The following PPP2R2B variants were observed in gnomAD, a reference collection of about 807,000 sequenced individuals.
PPP2R2B encodes the protein protein phosphatase 2 regulatory subunit Bbeta, also known as serine/threonine-protein phosphatase 2A 55 kDa regulatory subunit B beta isoform.
A neutral mutation model predicts 46.0 loss-of-function variants in PPP2R2B; 5 were observed. That is an observed-to-expected ratio of 0.11 (90% confidence interval 0.06 to 0.23). The LOEUF (loss-of-function observed/expected upper bound fraction) is 0.23, where lower values mean the gene tolerates loss of function less well. PPP2R2B is among the 10% of genes least tolerant of loss of function. The pLI, the probability that PPP2R2B is intolerant of heterozygous loss-of-function variation, is 1.00. For synonymous variants in PPP2R2B, 215 were observed against 206.7 expected (o/e 1.04, Z -0.34); for missense variants, 367 against 575.0 (o/e 0.64, Z 3.70).
chr5:146,604,605 C>T (rs1304027479), intron 7 of PPP2R2B, among the ~76,000 whole-genome samples: 2 of 152,144 alleles, frequency 1.3e-5, no homozygotes, highest in Non-Finnish European at 2.9e-5. Context: ...GTCTTGGAGA[C>T]CCCAATAGTA....
At chr5:146,954,496 G>A (rs557380841) in intron 1 of PPP2R2B, among the ~76,000 whole-genome samples, 1 of 152,206 alleles carries the variant, frequency 6.6e-6, no homozygotes, top group East Asian at 1.9e-4. Flanking sequence ...AGTGGACTTT[G>A]GGAACTCAGT....
At chr5:146,620,534 T>A (rs903354636) in intron 7 of PPP2R2B, among the ~76,000 whole-genome samples, 1 of 152,198 alleles carries the variant, frequency 6.6e-6, no homozygotes, top group Admixed American at 6.5e-5. Flanking sequence ...GCTGGCTTTA[T>A]GAGCGCTCAT....
At chr5:146,964,998 T>G (rs56672131) in intron 1 of PPP2R2B, among the ~76,000 whole-genome samples, 28,406 of 152,098 alleles carry the variant, frequency 0.19, 3,226 homozygotes, top group East Asian at 0.35. Context: ...TTCCTTCCAA[T>G]TCTAGCATAC....
intron 1 of PPP2R2B, among the ~76,000 whole-genome samples, chr5:146,976,846 A>G (rs1752930420): frequency 6.6e-6 from 1 of 152,104 alleles, no homozygotes; most frequent in Non-Finnish European, 1.5e-5. Flanking sequence ...GAATTTTTAG[A>G]CTACTCCTCA....
At chr5:146,665,707 C>T (rs934014234) in intron 5 of PPP2R2B, among the ~76,000 whole-genome samples, 2 of 152,210 alleles carry the variant, frequency 1.3e-5, no homozygotes, top group East Asian at 1.9e-4. Context: ...TGTTGGCTTT[C>T]GACATGTCTT....
intron 1 of PPP2R2B, among the ~76,000 whole-genome samples, chr5:147,029,019 T>C (rs1472999530): frequency 2.6e-5 from 4 of 152,198 alleles, no homozygotes; most frequent in Non-Finnish European, 5.9e-5. Flanking sequence ...GTCTTTCTTA[T>C]TTGTAGTTCC....
chr5:147,037,715 T>C (rs191192912), intron 1 of PPP2R2B, among the ~76,000 whole-genome samples: 1 of 152,236 alleles, frequency 6.6e-6, no homozygotes, highest in Non-Finnish European at 1.5e-5. Context: ...TGAGTCAGAC[T>C]GGGAGCAGCA....
chr5:146,768,512 T>C (rs1476778411), intron 2 of PPP2R2B, among the ~76,000 whole-genome samples: 1 of 152,204 alleles, frequency 6.6e-6, no homozygotes. Flanking sequence ...TCCACTGTCA[T>C]GGCCTCCAAA....
At chr5:146,608,294 C>G (rs1306206063) in intron 7 of PPP2R2B, among the ~76,000 whole-genome samples, 2 of 152,176 alleles carry the variant, frequency 1.3e-5, no homozygotes, top group African/African-American at 4.8e-5. Flanking sequence ...CTGCAAATTT[C>G]TTTCCTAAAC....
intron 2 of PPP2R2B, among the ~76,000 whole-genome samples, chr5:146,706,169 C>T (rs548204676): frequency 3.3e-5 from 5 of 152,202 alleles, no homozygotes; most frequent in Admixed American, 6.5e-5. Context: ...TTGGGGCAGC[C>T]GTAGGAGGGG....
At chr5:146,860,792 T>A (rs898321637) in intron 2 of PPP2R2B, among the ~76,000 whole-genome samples, 1 of 152,162 alleles carries the variant, frequency 6.6e-6, no homozygotes, top group Non-Finnish European at 1.5e-5. Flanking sequence ...ATCATTGCAA[T>A]TGATTTTCAC....
At position 146,698,130 on chromosome 5, in the gene PPP2R2B, A is replaced by T; in HGVS notation, c.183T>A (p.Val61=). 1 of 1,595,552 alleles carries T rather than the reference A, an allele frequency of 6.3e-7. No homozygotes were observed. Among genetic ancestry groups the T allele is most frequent in the East Asian group, 2.3e-5 (1 of 43,982 alleles). The change falls in exon 4 of 10, where the codon GTT becomes GTA. Residue 61 remains valine (V), a synonymous_variant. Coordinates refer to ENST00000394411, the MANE Select transcript of PPP2R2B (RefSeq NM_181675.4). ...FQREQESKNQ[V]HRRGEYNVYS... is the part of the protein sequence containing the mutation. ...AAACATTGTATTCACCCCTACGATGAACCTGATTTTTACTCTGTAGGAAAG... is the reference window on the plus strand; with the variant it reads ...AAACATTGTATTCACCCCTACGATGTACCTGATTTTTACTCTGTAGGAAAG...
At chr5:146,697,946 T>C in intron 4 of PPP2R2B, 33 bp downstream of exon 4, 2 of 1,586,790 alleles carry the variant, frequency 1.3e-6, no homozygotes, top group East Asian at 2.3e-5. Context: ...GCCGACTGTA[T>C]CTCTGAAAAT....
intron 2 of PPP2R2B, among the ~76,000 whole-genome samples, chr5:146,833,181 T>C (rs1190231219): frequency 1.3e-5 from 2 of 152,144 alleles, no homozygotes; most frequent in East Asian, 1.9e-4. Context: ...CAAAATGCCT[T>C]TAATGCCAAT....
At chr5:147,054,374 C>T (rs1756972604) in intron 1 of PPP2R2B, among the ~76,000 whole-genome samples, 1 of 152,076 alleles carries the variant, frequency 6.6e-6, no homozygotes, top group African/African-American at 2.4e-5. Context: ...CTCTCATCCC[C>T]TCAATATGGA....
At chr5:146,871,680 G>T (rs319219) in intron 2 of PPP2R2B, among the ~76,000 whole-genome samples, 4,099 of 152,282 alleles carry the variant, frequency 0.027, 210 homozygotes, top group African/African-American at 0.094. Context: ...GCGCCAATGG[G>T]ATATATGTGG....
At position 146,691,159 on chromosome 5, in the gene PPP2R2B, A is replaced by G; in HGVS notation, c.416T>C (p.Leu139Pro). ...GGTTGTGATGGTGGCAGGATCCCGGAGCCGGCCCTCCTCATCTTTCAGATT... is the reference window on the plus strand; with the variant it reads ...GGTTGTGATGGTGGCAGGATCCCGGGGCCGGCCCTCCTCATCTTTCAGATT... ...GYNLKDEEGRLRDPATITTLR... is the reference protein window; with the variant it reads ...GYNLKDEEGRPRDPATITTLR... The change falls in exon 5 of 10, where the codon CTC (leucine) becomes CCC (proline). Residue 139 changes from leucine (L) to proline (P), a missense_variant. Transcript: ENST00000394411. 1 of 1,614,124 alleles carries G rather than the reference A, an allele frequency of 6.2e-7. No homozygotes were observed. Among genetic ancestry groups the G allele is most frequent in the Non-Finnish European group, 8.5e-7 (1 of 1,180,014 alleles).
intron 1 of PPP2R2B, among the ~76,000 whole-genome samples, chr5:147,009,442 C>A (rs1334482641): frequency 6.6e-6 from 1 of 152,068 alleles, no homozygotes; most frequent in African/African-American, 2.4e-5. Context: ...TCTTTGAAAG[C>A]AGATAATCTA....
At chr5:146,745,242 C>G (rs1339916162) in intron 2 of PPP2R2B, among the ~76,000 whole-genome samples, 4 of 150,412 alleles carry the variant, frequency 2.7e-5, no homozygotes, top group Non-Finnish European at 5.9e-5. Flanking sequence ...GTGAAGAACA[C>G]TGGGTCAGCC....
Sources: allele counts gnomAD v4.1 joint callset (sites outside exome capture counted in the v4.1 genomes callset), GRCh38; gene constraint gnomAD v4.1.1; transcripts MANE v1.5; gene names NCBI Gene and HGNC (gene_info 2026-07-23, HGNC 2026-07-21).